Variants in CENPP observed in about 807,000 individuals in gnomAD.
CENPP encodes the protein centromere protein P.
A neutral mutation model predicts 35.6 loss-of-function variants in CENPP; 24 were observed. The ratio of observed to expected loss-of-function variants is 0.67; its 90% CI spans 0.49 to 0.95. CENPP has a LOEUF of 0.95. Among genes scored for constraint, CENPP ranks in the 40% least tolerant of loss-of-function variants. CENPP has a pLI of 0.00. For missense variants in CENPP, 332 were observed against 345.3 expected (o/e 0.96, Z 0.31); for synonymous variants, 120 against 125.5 (o/e 0.96, Z 0.29).
intron 5 of CENPP, among the ~76,000 whole-genome samples, chr9:92,477,398 A>G (rs1204611623): frequency 6.6e-6 from 1 of 152,182 alleles, no homozygotes; most frequent in African/African-American, 2.4e-5. Flanking sequence ...AACCTTCAAA[A>G]TACTCATTCC....
chr9:92,567,373 GAT>G lies in CENPP; in HGVS notation c.565-43919_565-43918del. Among the ~76,000 whole-genome samples the G allele has an allele frequency of 2.0e-3, 253 of 129,080 alleles. 6 individuals are homozygous for G. Among genetic ancestry groups the G allele is most frequent in the East Asian group, 0.012 (48 of 3,928 alleles). 84.7% of individuals were successfully genotyped at this position (129,080 alleles called of 152,430 possible). ...ATGGGGTATACAGTTACATAAGATA[GAT>G]ATATATATATATATATATATAGATA... On this transcript the variant is annotated intron_variant, in intron 5 of 7. Transcript: ENST00000375587.
intron 5 of CENPP, among the ~76,000 whole-genome samples, chr9:92,389,237 G>T (rs1027339680): frequency 6.6e-6 from 1 of 152,168 alleles, no homozygotes; most frequent in African/African-American, 2.4e-5. Flanking sequence ...ACTCCTGTAG[G>T]TCATGCATTT....
intron 5 of CENPP, among the ~76,000 whole-genome samples, chr9:92,490,010 T>C (rs1846140707): frequency 6.6e-6 from 1 of 152,220 alleles, no homozygotes. Flanking sequence ...AAATAATTAA[T>C]ATTCACCACA....
chr9:92,331,636 T>C (rs1270200615), intron 1 of CENPP, among the ~76,000 whole-genome samples: 1 of 152,248 alleles, frequency 6.6e-6, no homozygotes, highest in African/African-American at 2.4e-5. Flanking sequence ...AATTTGGAAG[T>C]ATAATTTGGT....
intron 5 of CENPP, among the ~76,000 whole-genome samples, chr9:92,468,136 G>A (rs1005310374): frequency 6.6e-6 from 1 of 152,184 alleles, no homozygotes; most frequent in Non-Finnish European, 1.5e-5. Flanking sequence ...GTGAACCTGT[G>A]CGTCAGTGAG....
At chr9:92,551,965 TGTG>T in intron 5 of CENPP, among the ~76,000 whole-genome samples, 1 of 101,418 alleles carries the variant, frequency 9.9e-6, no homozygotes, top group African/African-American at 5.5e-5. Flanking sequence ...TATATATATG[TGTG>T]ATATATATGT....
At chr9:92,394,664 G>A (rs1481090474) in intron 5 of CENPP, among the ~76,000 whole-genome samples, 4 of 151,932 alleles carry the variant, frequency 2.6e-5, no homozygotes, top group Admixed American at 1.3e-4. Context: ...GAGTGCAGTG[G>A]TGTGATCTCG....
At chr9:92,433,107 T>C (rs1011753739) in intron 5 of CENPP, among the ~76,000 whole-genome samples, 1 of 152,170 alleles carries the variant, frequency 6.6e-6, no homozygotes, top group Non-Finnish European at 1.5e-5. Context: ...CAATGAATAA[T>C]TTATAATGAA....
chr9:92,531,927 C>T (rs1425554442), intron 5 of CENPP, among the ~76,000 whole-genome samples: 1 of 151,284 alleles, frequency 6.6e-6, no homozygotes, highest in Non-Finnish European at 1.5e-5. Flanking sequence ...TTGATTTTTT[C>T]CCCCTACACT....
intron 5 of CENPP, among the ~76,000 whole-genome samples, chr9:92,408,161 G>A (rs1460810303): frequency 6.6e-6 from 1 of 152,102 alleles, no homozygotes; most frequent in African/African-American, 2.4e-5. Context: ...TGGTTTAGGA[G>A]TCAAAACACC....
At chr9:92,574,488 T>TA (rs527884770) in intron 5 of CENPP, among the ~76,000 whole-genome samples, 3 of 151,744 alleles carry the variant, frequency 2.0e-5, no homozygotes, top group Non-Finnish European at 4.4e-5. Context: ...TACAATAGCA[T>TA]AAAAAAAGAA....
At chr9:92,512,399 C>T (rs1034192305) in intron 5 of CENPP, among the ~76,000 whole-genome samples, 1 of 152,158 alleles carries the variant, frequency 6.6e-6, no homozygotes, top group African/African-American at 2.4e-5. Flanking sequence ...TTAACACAGC[C>T]AGAATGTGGT....
At position 92,599,308 on chromosome 9, in the gene CENPP, G is replaced by T. The variant is rs184429013; in HGVS notation, c.565-12006G>T. On this transcript the variant is annotated intron_variant, in intron 5 of 7. Coordinates refer to ENST00000375587, the MANE Select transcript of CENPP (RefSeq NM_001012267.3). ...GTCCATCTTAGGCTTAGGGGCTAAG[G>T]TCACACAGGACAGACCTCCCCGTCC... Among the ~76,000 whole-genome samples, 32 of 152,276 alleles carry T rather than the reference G, an allele frequency of 2.1e-4. 1 individual carries two copies. The East Asian group carries it at 5.2e-3, about 25-fold the overall frequency.
At chr9:92,462,501 C>A (rs911076928) in intron 5 of CENPP, among the ~76,000 whole-genome samples, 1 of 152,082 alleles carries the variant, frequency 6.6e-6, no homozygotes, top group African/African-American at 2.4e-5. Flanking sequence ...ATTTGTCAAC[C>A]CAAGTATCTG....
chr9:92,513,739 C>T (rs1196087016), intron 5 of CENPP, among the ~76,000 whole-genome samples: 3 of 152,146 alleles, frequency 2.0e-5, no homozygotes, highest in Admixed American at 6.5e-5. Flanking sequence ...ACTGTAGAGA[C>T]AGAAAACAGA....
chr9:92,574,026 T>TC (rs1850218696), intron 5 of CENPP, among the ~76,000 whole-genome samples: 1 of 152,144 alleles, frequency 6.6e-6, no homozygotes, highest in African/African-American at 2.4e-5. Context: ...GAAAGGGAAT[T>TC]CCTTGACCCC....
intron 5 of CENPP, among the ~76,000 whole-genome samples, chr9:92,508,849 A>C (rs774761400): frequency 6.6e-6 from 1 of 152,154 alleles, no homozygotes; most frequent in Non-Finnish European, 1.5e-5. Context: ...TGTTTAATAA[A>C]TAACATAATA....
chr9:92,496,334 T>C (rs759899599), intron 5 of CENPP: 6 of 1,591,964 alleles, frequency 3.8e-6, no homozygotes, highest in Non-Finnish European at 4.3e-6. Context: ...GTTTTGTGGT[T>C]TAAGAACGAT....
chr9:92,332,188 A>G lies in CENPP; in HGVS notation c.126A>G (p.Ile42Met). The change falls in exon 2 of 8, where the codon ATA (isoleucine) becomes ATG (methionine). Residue 42 changes from isoleucine to methionine, a missense_variant. By Grantham distance (10) the Ile-to-Met change is conservative. Transcript: ENST00000375587. ...CTTTTAGAAAATCTTTTCAAGCCAT[A>G]CACCAATTCAATTTGGAAGGATGGA... ...KSRVQKSFQA[I>M]HQFNLEGWKS... is the part of the protein sequence containing the mutation. 6.2e-7 allele frequency: 1 copy of G among 1,603,578 alleles called. No homozygotes were observed. Among genetic ancestry groups the G allele is most frequent in the Admixed American group, 1.7e-5 (1 of 57,370 alleles).
Sources: allele counts gnomAD v4.1 joint callset (sites outside exome capture counted in the v4.1 genomes callset), GRCh38; gene constraint gnomAD v4.1.1; transcripts MANE v1.5; gene names NCBI Gene and HGNC (gene_info 2026-07-23, HGNC 2026-07-21).